SLC25A12: variants seen among roughly 807,000 people sequenced by gnomAD.
The protein encoded by SLC25A12 is solute carrier family 25 member 12, also known as electrogenic aspartate/glutamate antiporter SLC25A12, mitochondrial.
In SLC25A12, 32 loss-of-function variants were observed where a neutral mutation model predicts 83.3. The ratio of observed to expected loss-of-function variants is 0.38; its 90% CI spans 0.29 to 0.52. The LOEUF is 0.52. Among genes scored for constraint, SLC25A12 ranks in the 20% least tolerant of loss-of-function variants. The probability of loss-of-function intolerance (pLI) is 0.84; values close to 1 mark genes in which losing one functional copy is unlikely to be tolerated. For missense variants in SLC25A12, 611 were observed against 835.6 expected, an observed-to-expected ratio of 0.73 and a Z score of 3.31; for synonymous variants, 267 against 291.1, an observed-to-expected ratio of 0.92 and a Z score of 0.84.
intron 3 of SLC25A12, among the ~76,000 whole-genome samples, chr2:171,865,158 G>A (rs1293052389): frequency 6.6e-6 from 1 of 151,930 alleles, no homozygotes; most frequent in Non-Finnish European, 1.5e-5. Context: ...GGCATAGCAG[G>A]CACTCAATAC....
chr2:171,888,819 T>A (rs1437535099), intron 2 of SLC25A12, among the ~76,000 whole-genome samples: 2 of 152,152 alleles, frequency 1.3e-5, no homozygotes, highest in Non-Finnish European at 2.9e-5. Flanking sequence ...AAGTAGGAAT[T>A]TTTATTGACT....
rs751465388 is a variant in SLC25A12, at chr2:171,785,441, G to A, written c.1870C>T (p.Arg624Cys). 2.5e-6 allele frequency: 4 copies of A among 1,614,200 alleles called. No homozygotes were observed. Among genetic ancestry groups the A allele is most frequent in the South Asian group, 2.2e-5 (2 of 91,086 alleles). The part of the protein sequence containing the change: ...PAGSEPTPKS[R>C]IADLPPANPD... ...TTGGCAGGAGGAAGGTCTGCAATGC[G>A]TGACTTAGGTGTTGGTTCTGAACCA... Residue 624 changes from arginine (R) to cysteine (C), a missense_variant, in exon 18 of 18, where the codon CGC (arginine) becomes TGC (cysteine). Coordinates refer to ENST00000422440, the MANE Select transcript of SLC25A12 (RefSeq NM_003705.5).
At chr2:171,838,118 C>T (rs186644945) in intron 5 of SLC25A12, among the ~76,000 whole-genome samples, 12 of 152,140 alleles carry the variant, frequency 7.9e-5, no homozygotes, top group Admixed American at 1.3e-4. Context: ...TGGATGCCAC[C>T]GTCACACTCT....
At chr2:171,849,084 G>A (rs917294052) in intron 4 of SLC25A12, among the ~76,000 whole-genome samples, 2 of 152,100 alleles carry the variant, frequency 1.3e-5, no homozygotes, top group African/African-American at 2.4e-5. Context: ...CAGCTACTAG[G>A]GAAGCTGAGG....
intron 15 of SLC25A12, among the ~76,000 whole-genome samples, chr2:171,789,419 G>T (rs1364665315): frequency 6.6e-6 from 1 of 151,972 alleles, no homozygotes; most frequent in Non-Finnish European, 1.5e-5. Context: ...TAGTAGAGAC[G>T]GGGTTTCACC....
chr2:171,886,534 G>C (rs1475209923), intron 2 of SLC25A12, among the ~76,000 whole-genome samples: 1 of 149,222 alleles, frequency 6.7e-6, no homozygotes, highest in African/African-American at 2.5e-5. Flanking sequence ...TTTTGAGACA[G>C]AGTTTCGCTC....
intron 7 of SLC25A12, among the ~76,000 whole-genome samples, 170 bp downstream of exon 7, chr2:171,834,557 T>C (rs770807112): frequency 2.6e-5 from 4 of 152,172 alleles, no homozygotes; most frequent in African/African-American, 9.7e-5. Context: ...CTGACCTCAG[T>C]ATCACATTAA....
intron 2 of SLC25A12, among the ~76,000 whole-genome samples, chr2:171,875,154 C>G (rs1235820739): frequency 6.6e-6 from 1 of 152,060 alleles, no homozygotes; most frequent in East Asian, 1.9e-4. Context: ...GGTTGCTTTC[C>G]GCAACCAATC....
intron 4 of SLC25A12, chr2:171,852,668 C>A (rs1397395100): frequency 8.8e-6 from 4 of 455,414 alleles, no homozygotes; most frequent in Non-Finnish European, 1.8e-5. Flanking sequence ...GAAAACTGAC[C>A]TTTACCCCAG....
At chr2:171,803,692 AG>A (rs1164976006) in intron 13 of SLC25A12, among the ~76,000 whole-genome samples, 1 of 152,174 alleles carries the variant, frequency 6.6e-6, no homozygotes, top group Non-Finnish European at 1.5e-5. Flanking sequence ...AGGATGGGGC[AG>A]GAAGATCACT....
chr2:171,815,011 AGTC>A, intron 10 of SLC25A12, 107 bp downstream of exon 10: 1 of 851,222 alleles, frequency 1.2e-6, no homozygotes. Flanking sequence ...AAAGCCCTGA[AGTC>A]GTGACCCATG....
intron 8 of SLC25A12, among the ~76,000 whole-genome samples, chr2:171,829,958 A>C (rs1056845984): frequency 2.6e-5 from 4 of 152,334 alleles, no homozygotes; most frequent in Admixed American, 1.3e-4. Context: ...CTCTCCTTGG[A>C]GGAATGAAAA....
intron 15 of SLC25A12, among the ~76,000 whole-genome samples, chr2:171,790,699 T>A (rs1683435040): frequency 6.6e-6 from 1 of 152,084 alleles, no homozygotes; most frequent in Non-Finnish European, 1.5e-5. Flanking sequence ...AAATAACTAT[T>A]AATAAAAGAC....
chr2:171,861,253 A>T (rs1381726778), intron 3 of SLC25A12, among the ~76,000 whole-genome samples: 1 of 152,130 alleles, frequency 6.6e-6, no homozygotes, highest in Non-Finnish European at 1.5e-5. Flanking sequence ...GAGGAATGAG[A>T]GAAAAATAGG....
intron 2 of SLC25A12, among the ~76,000 whole-genome samples, chr2:171,881,466 T>C (rs1248494259): frequency 1.3e-5 from 2 of 152,092 alleles, no homozygotes; most frequent in Admixed American, 6.6e-5. Context: ...ATTTTCTGTG[T>C]AAATGTATGG....
chr2:171,839,109 AAGAG>A (rs1466292462), intron 5 of SLC25A12, among the ~76,000 whole-genome samples: 3 of 152,240 alleles, frequency 2.0e-5, no homozygotes, highest in Non-Finnish European at 2.9e-5. Flanking sequence ...CAGTGAGAGA[AAGAG>A]AGAAAGTAAT....
intron 2 of SLC25A12, among the ~76,000 whole-genome samples, chr2:171,882,075 T>C (rs1685706261): frequency 6.6e-6 from 1 of 152,214 alleles, no homozygotes; most frequent in Admixed American, 6.5e-5. Context: ...CAGTGTTGAC[T>C]TGGAGGCACA....
chr2:171,869,154 G>C (rs1349967976), intron 2 of SLC25A12, among the ~76,000 whole-genome samples: 3 of 152,156 alleles, frequency 2.0e-5, no homozygotes, highest in Non-Finnish European at 4.4e-5. Flanking sequence ...GCAGAATATT[G>C]GTTGCCAGGA....
chr2:171,859,744 C>T (rs1192245265), intron 3 of SLC25A12, among the ~76,000 whole-genome samples: 1 of 151,474 alleles, frequency 6.6e-6, no homozygotes, highest in Non-Finnish European at 1.5e-5. Flanking sequence ...ATGATAAAAA[C>T]GTTCTGCAAA....
Sources: gnomAD v4.1 joint callset for allele counts (sites outside exome capture counted in the v4.1 genomes callset) on GRCh38, gnomAD v4.1.1 for gene constraint, MANE v1.5 for transcripts, NCBI Gene and HGNC (gene_info 2026-07-23, HGNC 2026-07-21) for gene names.